Variants in DNAJA3 observed in about 807,000 individuals in gnomAD.
The protein encoded by DNAJA3 is DnaJ heat shock protein family (Hsp40) member A3.
In DNAJA3, 29 loss-of-function variants were observed where a neutral mutation model predicts 54.9. The ratio of observed to expected loss-of-function variants is 0.53; its 90% CI spans 0.39 to 0.72. The LOEUF is 0.72. Ranked by LOEUF, DNAJA3 falls within the 30% of genes least tolerant of loss-of-function variation. The pLI is 0.00. For missense variants in DNAJA3, 708 were observed against 639.4 expected (o/e 1.11, Z -1.16); for synonymous variants, 302 against 251.4 (o/e 1.20, Z -1.90).
chr16:4,447,095 C>A, intron 8 of DNAJA3, 81 bp downstream of exon 8: 1 of 1,526,612 alleles, frequency 6.6e-7, no homozygotes, highest in Non-Finnish European at 8.8e-7. Context: ...GACCAGTGGC[C>A]TGGAACCCAT....
chr16:4,429,288 A>T (rs953907901), intron 1 of DNAJA3, among the ~76,000 whole-genome samples: 1 of 151,592 alleles, frequency 6.6e-6, no homozygotes, highest in African/African-American at 2.4e-5. Flanking sequence ...ACTCACCGTG[A>T]TCTCGGCTCA....
chr16:4,452,090 G>A (rs2056985746), intron 10 of DNAJA3, among the ~76,000 whole-genome samples: 1 of 151,834 alleles, frequency 6.6e-6, no homozygotes, highest in Non-Finnish European at 1.5e-5. Flanking sequence ...CAACAAAAAA[G>A]CAGCTGCCAC....
chr16:4,455,574 G>A lies in DNAJA3; in HGVS notation c.*42G>A, dbSNP rs1368018232. 1 of 1,551,744 alleles carries A rather than the reference G, an allele frequency of 6.4e-7. No individual in the cohort carries two copies. Among genetic ancestry groups the A allele is most frequent in the Non-Finnish European group, 8.7e-7 (1 of 1,146,976 alleles). ...AAAGATCCACTGGAAACTAGGCCGG[G>A]AAGCAGCAGCCCCTCCAAGGGCCAG... On this transcript the variant is annotated 3_prime_UTR_variant, in exon 12 of 12. Transcript: ENST00000262375.
chr16:4,444,174 G>A (rs1251905868), intron 6 of DNAJA3, among the ~76,000 whole-genome samples: 5 of 152,150 alleles, frequency 3.3e-5, no homozygotes, highest in Admixed American at 6.6e-5. Flanking sequence ...TCAGGTGTCT[G>A]TGTTGCATCT....
chr16:4,429,140 G>A (rs530215479), intron 1 of DNAJA3, among the ~76,000 whole-genome samples: 15 of 151,880 alleles, frequency 9.9e-5, no homozygotes, highest in African/African-American at 2.4e-4. Context: ...ACCCGCCTCC[G>A]CCTCCCAAAG....
chr16:4,451,387 G>A (rs918388211), intron 10 of DNAJA3, among the ~76,000 whole-genome samples: 6 of 152,116 alleles, frequency 3.9e-5, no homozygotes, highest in African/African-American at 1.4e-4. Flanking sequence ...AGGGGCAGGG[G>A]CAGGGGCTGG....
intron 1 of DNAJA3, among the ~76,000 whole-genome samples, chr16:4,428,052 C>T (rs2056646537): frequency 6.6e-6 from 1 of 151,532 alleles, no homozygotes; most frequent in South Asian, 2.1e-4. Flanking sequence ...CCCGGGTTCA[C>T]GCCATTCTCC....
Position 4,434,443 on chromosome 16 carries a change from AAAG to A in DNAJA3, c.276_278del (p.Glu92del), listed in dbSNP as rs777227683. On this transcript the variant is annotated inframe_deletion, in exon 2 of 12. Coordinates refer to ENST00000262375, the MANE Select transcript of DNAJA3 (RefSeq NM_005147.6). Reference sequence around the variant, plus strand: ...CTTCCACACGAGTGCCCCTTTGGCCAAAGAAGATTATTATCAGATATTAGGAGT... The same window carrying A: ...CTTCCACACGAGTGCCCCTTTGGCCAAAGATTATTATCAGATATTAGGAGT... The A allele has an allele frequency of 1.8e-4, 295 of 1,613,908 alleles. No individual in the cohort carries two copies. Among genetic ancestry groups the A allele is most frequent in the Non-Finnish European group, 2.4e-4 (288 of 1,180,014 alleles).
intron 8 of DNAJA3, chr16:4,447,242 A>T (rs2056913926): frequency 1.8e-6 from 1 of 546,132 alleles, no homozygotes; most frequent in Admixed American, 3.4e-5. Context: ...CATCACTCCC[A>T]CACTGGTTAG....
rs200540538 is a variant in DNAJA3, at chr16:4,444,722, G to A, written c.990G>A (p.Thr330=). The A allele has an allele frequency of 1.4e-5, 22 of 1,613,976 alleles. No homozygotes were observed. Among genetic ancestry groups the A allele is most frequent in the African/African-American group, 1.2e-4 (9 of 75,030 alleles). The stretch of plus-strand genomic sequence containing the variant: ...TGGGAAAAAGGGAAATTTTCATTAC[G>A]TTCAGGGTAGGTGCCCTGCCCCGCA... ...MPVGKREIFI[T]FRVQKSPVFR... is the part of the protein sequence containing the mutation. The change falls in exon 7 of 12, where the codon ACG becomes ACA. Residue 330 remains threonine, a synonymous_variant. Coordinates refer to ENST00000262375, the MANE Select transcript of DNAJA3 (RefSeq NM_005147.6).
Position 4,444,657 on chromosome 16 carries a change from C to T in DNAJA3, c.932-7C>T, listed in dbSNP as rs746687380. 22 of 1,613,786 alleles carry T rather than the reference C, an allele frequency of 1.4e-5. No individual in the cohort carries two copies. The Admixed American group carries it at 1.7e-4, about 12-fold the overall frequency. ...CCTAACTTCTCCCTTTCTAATGTCC[C>T]TTGTAGGAGTCGAGGATGGCCAGAC... On this transcript the variant is annotated splice_region_variant and splice_polypyrimidine_tract_variant and intron_variant, in intron 6 of 11. Coordinates refer to ENST00000262375, the MANE Select transcript of DNAJA3 (RefSeq NM_005147.6).
intron 1 of DNAJA3, among the ~76,000 whole-genome samples, chr16:4,429,186 C>T (rs2056661569): frequency 6.7e-6 from 1 of 149,966 alleles, no homozygotes; most frequent in Non-Finnish European, 1.5e-5. Flanking sequence ...CGCGCCCGGC[C>T]AAGATTTTTT....
At position 4,443,169 on chromosome 16, in the gene DNAJA3, G is replaced by A. The variant is rs1394813240; in HGVS notation, c.931+5G>A. On this transcript the variant is annotated splice_donor_5th_base_variant and intron_variant, in intron 6 of 11. Coordinates refer to ENST00000262375, the MANE Select transcript of DNAJA3 (RefSeq NM_005147.6). ...TGATGATCCCTGTGCCTGCAGGTGG[G>A]TGCTTGGGCCCGCCATGTCCAGGAG... is the stretch of plus-strand genomic sequence containing the variant. 3 of 1,613,708 alleles carry A rather than the reference G, an allele frequency of 1.9e-6. No individual in the cohort carries two copies. Among genetic ancestry groups the A allele is most frequent in the Admixed American group, 1.7e-5 (1 of 59,944 alleles).
intron 2 of DNAJA3, among the ~76,000 whole-genome samples, chr16:4,435,999 CT>C (rs2056768066): frequency 6.6e-6 from 1 of 152,198 alleles, no homozygotes; most frequent in African/African-American, 2.4e-5. Context: ...TATCGTCTGT[CT>C]TTTTAATTAC....
chr16:4,437,906 T>C (rs1252810809), intron 3 of DNAJA3, among the ~76,000 whole-genome samples: 2 of 150,744 alleles, frequency 1.3e-5, no homozygotes, highest in African/African-American at 4.9e-5. Context: ...CATGATGCCA[T>C]GATTGTGCCA....
Position 4,448,740 on chromosome 16 carries a change from CT to C in DNAJA3, c.1134del (p.Thr380LeufsTer37), listed in dbSNP as rs2056937484. 1 of 1,613,742 alleles carries C rather than the reference CT, an allele frequency of 6.2e-7. No homozygotes were observed. Among genetic ancestry groups the C allele is most frequent in the Non-Finnish European group, 8.5e-7 (1 of 1,179,738 alleles). On this transcript the variant is annotated frameshift_variant, in exon 9 of 12. Coordinates refer to ENST00000262375, the MANE Select transcript of DNAJA3 (RefSeq NM_005147.6). LOFTEE classifies it high-confidence loss of function. ...GATTTTCTTTCTTTATAGATCCCCC[CT>C]GGGACTCAGACAGACCAGAAGATTC... is the stretch of plus-strand genomic sequence containing the variant. Reference protein sequence around the residue: ...LYETINVTIPPGTQTDQKIRM... With the variant: ...LYETINVTIPXGTQTDQKIRM...
intron 3 of DNAJA3, 37 bp downstream of exon 3, chr16:4,437,522 A>G (rs746183361): frequency 7.0e-6 from 11 of 1,566,602 alleles, no homozygotes; most frequent in Middle Eastern, 3.3e-4. Context: ...ACTGCTGTTC[A>G]GCTATGTGTA....
Position 4,425,950 on chromosome 16 carries a change from G to A in DNAJA3, c.69G>A (p.Ser23=). The change falls in exon 1 of 12, where the codon TCG becomes TCA. Residue 23 remains serine, a synonymous_variant. Transcript: ENST00000262375. Reference sequence around the variant, plus strand: ...GGACCCCGCGGCTGCCGGCTATATCGGGTAGAGGGGCCCGGCCGCCCAGGG... The same window carrying A: ...GGACCCCGCGGCTGCCGGCTATATCAGGTAGAGGGGCCCGGCCGCCCAGGG... ...VVGTPRLPAI[S]GRGARPPREG... The A allele has an allele frequency of 6.4e-7, 1 of 1,569,054 alleles. No individual in the cohort carries two copies. The highest frequency in any genetic ancestry group is 1.4e-5 in the African/African-American group (1 of 73,504).
intron 1 of DNAJA3, 191 bp from the exon 2 acceptor site, chr16:4,434,193 C>T: frequency 1.7e-6 from 1 of 589,912 alleles, no homozygotes; most frequent in South Asian, 2.2e-5. Flanking sequence ...CAGTTACCTC[C>T]CATCAGGTCC....
Sources: gnomAD v4.1 joint callset for allele counts (sites outside exome capture counted in the v4.1 genomes callset) on GRCh38, gnomAD v4.1.1 for gene constraint, MANE v1.5 for transcripts, NCBI Gene and HGNC (gene_info 2026-07-23, HGNC 2026-07-21) for gene names.